The following PPARGC1A variants were observed in gnomAD, a reference collection of about 807,000 sequenced individuals.
The protein encoded by PPARGC1A is peroxisome proliferator-activated receptor gamma coactivator 1-alpha.
A neutral mutation model predicts 88.7 loss-of-function variants in PPARGC1A; 25 were observed. The observed-to-expected ratio is 0.28, with a 90% confidence interval of 0.21 to 0.39. The LOEUF is 0.39. PPARGC1A is among the 10% of genes least tolerant of loss of function. The probability of loss-of-function intolerance (pLI) is 1.00; values close to 1 mark genes in which losing one functional copy is unlikely to be tolerated. For missense variants in PPARGC1A, 880 were observed against 968.7 expected (o/e 0.91, Z 1.22); for synonymous variants, 363 against 355.6 (o/e 1.02, Z -0.24).
the PPARGC1A span, among the ~76,000 whole-genome samples, chr4:24,275,747 AAC>A: frequency 1.3e-4 from 20 of 152,244 alleles, no homozygotes; most frequent in African/African-American, 4.6e-4. Flanking sequence ...CCACCTCATC[AAC>A]AGTCTTTAAC....
the PPARGC1A span, among the ~76,000 whole-genome samples, chr4:24,053,149 G>C: frequency 6.6e-6 from 1 of 151,832 alleles, no homozygotes; most frequent in Non-Finnish European, 1.5e-5. Context: ...AGGATTACAG[G>C]CGTGAGCCAC....
the PPARGC1A span, among the ~76,000 whole-genome samples, chr4:24,037,946 A>G: frequency 6.6e-6 from 1 of 152,198 alleles, no homozygotes; most frequent in Non-Finnish European, 1.5e-5. Flanking sequence ...GTGTTGACCT[A>G]AATGTCTAGA....
chr4:24,355,960 G>A, the PPARGC1A span, among the ~76,000 whole-genome samples: 123 of 152,236 alleles, frequency 8.1e-4, no homozygotes, highest in South Asian at 2.7e-3. Flanking sequence ...ACTTTGGGAG[G>A]CTGAGGAGGG....
the PPARGC1A span, among the ~76,000 whole-genome samples, chr4:24,340,874 A>G: frequency 6.6e-6 from 1 of 152,130 alleles, no homozygotes; most frequent in Non-Finnish European, 1.5e-5. Flanking sequence ...CGCCACTCCC[A>G]CTGACAAGCC....
chr4:24,126,267 CCACACACACACACACACACA>C, the PPARGC1A span, among the ~76,000 whole-genome samples: 1 of 146,444 alleles, frequency 6.8e-6, no homozygotes, highest in African/African-American at 2.5e-5. Flanking sequence ...TGGCTTCTCA[CCACACACACACACACACACA>C]CACACACACA....
chr4:24,002,602 TGC>T, the PPARGC1A span, among the ~76,000 whole-genome samples: 6 of 124,918 alleles, frequency 4.8e-5, no homozygotes, highest in South Asian at 3.3e-4. Flanking sequence ...AAGTGCATGC[TGC>T]TTTTTTTTTT....
the PPARGC1A span, among the ~76,000 whole-genome samples, chr4:24,472,055 C>T: frequency 2.6e-5 from 4 of 152,148 alleles, no homozygotes; most frequent in Non-Finnish European, 5.9e-5. The surrounding 1 kb of genome is among the most constrained non-coding windows in gnomAD (Gnocchi z 4.5). Flanking sequence ...TTCCCTGGTT[C>T]TGCCTGGAGT....
intron 2 of PPARGC1A, among the ~76,000 whole-genome samples, chr4:23,876,739 C>G (rs1303043687): frequency 6.6e-6 from 1 of 151,890 alleles, no homozygotes. Context: ...TAAAAAAACT[C>G]AATGGGGGCT....
At chr4:23,996,842 G>A in the PPARGC1A span, among the ~76,000 whole-genome samples, 4,678 of 152,194 alleles carry the variant, frequency 0.031, 121 homozygotes, top group South Asian at 0.11. Context: ...AACAAAAACC[G>A]GTGGCCAAGC....
At chr4:24,153,799 T>A in the PPARGC1A span, among the ~76,000 whole-genome samples, 6 of 152,098 alleles carry the variant, frequency 3.9e-5, no homozygotes, top group African/African-American at 1.2e-4. Context: ...AGAATTTCTA[T>A]CACTGCAAGT....
the PPARGC1A span, among the ~76,000 whole-genome samples, chr4:23,939,809 C>T: frequency 6.6e-6 from 1 of 152,136 alleles, no homozygotes; most frequent in Admixed American, 6.5e-5. Context: ...GGTTTATCTA[C>T]AAGAACAATG....
the PPARGC1A span, among the ~76,000 whole-genome samples, chr4:24,041,236 A>G: frequency 6.6e-6 from 1 of 152,188 alleles, no homozygotes; most frequent in South Asian, 2.1e-4. Flanking sequence ...GAAGGCACTA[A>G]CAATAGAGCC....
the PPARGC1A span, among the ~76,000 whole-genome samples, chr4:24,386,222 G>A: frequency 2.6e-5 from 4 of 152,142 alleles, no homozygotes; most frequent in Middle Eastern, 3.4e-3. Context: ...CAATACACTA[G>A]GTATTGACAG....
At chr4:23,958,900 T>C in the PPARGC1A span, among the ~76,000 whole-genome samples, 1 of 152,038 alleles carries the variant, frequency 6.6e-6, no homozygotes, top group Non-Finnish European at 1.5e-5. Flanking sequence ...TGTTTATTTG[T>C]ATTATTTATC....
At chr4:24,076,403 C>A in the PPARGC1A span, among the ~76,000 whole-genome samples, 1 of 152,254 alleles carries the variant, frequency 6.6e-6, no homozygotes, top group East Asian at 1.9e-4. Flanking sequence ...CTATTCTTAG[C>A]ATATTTTTCT....
At chr4:24,064,715 A>G in the PPARGC1A span, among the ~76,000 whole-genome samples, 1 of 152,072 alleles carries the variant, frequency 6.6e-6, no homozygotes, top group African/African-American at 2.4e-5. Flanking sequence ...CCTTTTATTC[A>G]GATTTTTCAT....
chr4:23,956,486 T>G, the PPARGC1A span, among the ~76,000 whole-genome samples: 1 of 152,078 alleles, frequency 6.6e-6, no homozygotes, highest in Non-Finnish European at 1.5e-5. Context: ...CACAGAGTTG[T>G]CTGAGCTTGG....
the PPARGC1A span, among the ~76,000 whole-genome samples, chr4:24,264,189 A>C: frequency 6.6e-6 from 1 of 152,214 alleles, no homozygotes; most frequent in African/African-American, 2.4e-5. Context: ...TCAGTAGTTA[A>C]GTTTTGGGAG....
At chr4:24,273,426 C>A in the PPARGC1A span, among the ~76,000 whole-genome samples, 9 of 152,252 alleles carry the variant, frequency 5.9e-5, no homozygotes, top group African/African-American at 2.2e-4. Flanking sequence ...CACAAAGACA[C>A]CAGAAAGAAG....
Sources: gnomAD v4.1 joint callset for allele counts (sites outside exome capture counted in the v4.1 genomes callset) on GRCh38, gnomAD v4.1.1 for gene constraint, Gnocchi (gnomAD v3.1) non-coding constraint, MANE v1.5 for transcripts, NCBI Gene and HGNC (gene_info 2026-07-23, HGNC 2026-07-21) for gene names.